Variants in SEL1L observed in about 807,000 individuals in gnomAD.
The protein encoded by SEL1L is SEL1L adaptor subunit of SYVN1 ubiquitin ligase.
A neutral mutation model predicts 109.8 loss-of-function variants in SEL1L; 52 were observed. That is an observed-to-expected ratio of 0.47 (90% CI 0.38 to 0.60). SEL1L has a LOEUF of 0.60. Among genes scored for constraint, SEL1L ranks in the 20% least tolerant of loss-of-function variants. SEL1L has a pLI of 0.00. For missense variants in SEL1L, 749 were observed against 962.2 expected (o/e 0.78, Z 2.93); for synonymous variants, 373 against 339.6 (o/e 1.10, Z -1.08).
Position 81,502,901 on chromosome 14 carries a change from TAAA to T in SEL1L, c.615-21_615-19del. 1 of 1,565,936 alleles carries T rather than the reference TAAA, an allele frequency of 6.4e-7. No homozygotes were observed. Among genetic ancestry groups the T allele is most frequent in the Non-Finnish European group, 8.7e-7 (1 of 1,154,380 alleles). On this transcript the variant is annotated intron_variant, in intron 5 of 20. Coordinates refer to ENST00000336735, the MANE Select transcript of SEL1L (RefSeq NM_005065.6). Reference sequence around the variant, plus strand: ...GATATGCTCTTCAAATGTAAACAATTAAAAACCAAATTAGTAATGTTTTGAAAC... The same window carrying T: ...GATATGCTCTTCAAATGTAAACAATTAACCAAATTAGTAATGTTTTGAAAC...
intron 6 of SEL1L, 79 bp downstream of exon 6, chr14:81,502,642 T>A (rs1884061280): frequency 7.3e-7 from 1 of 1,372,134 alleles, no homozygotes; most frequent in African/African-American, 1.5e-5. Context: ...TTAAAAGAAG[T>A]CAGGACATAG....
At chr14:81,532,043 T>G (rs944421118) in intron 1 of SEL1L, among the ~76,000 whole-genome samples, 1 of 152,222 alleles carries the variant, frequency 6.6e-6, no homozygotes, top group African/African-American at 2.4e-5. Flanking sequence ...ACCCAAGGAT[T>G]TAATATATCA....
At chr14:81,490,572 C>CA in intron 12 of SEL1L, 107 bp from the exon 13 acceptor site, 1 of 875,632 alleles carries the variant, frequency 1.1e-6, no homozygotes, top group Admixed American at 2.4e-5. Flanking sequence ...TAAATCTTTC[C>CA]AAAAAATTTA....
intron 12 of SEL1L, among the ~76,000 whole-genome samples, chr14:81,491,088 ACT>A (rs1883522054): frequency 6.6e-6 from 1 of 152,140 alleles, no homozygotes; most frequent in African/African-American, 2.4e-5. Context: ...CATTTTTCTC[ACT>A]CTATTCCAGG....
At chr14:81,502,565 A>T (rs945722878) in intron 6 of SEL1L, among the ~76,000 whole-genome samples, 156 bp downstream of exon 6, 1 of 152,244 alleles carries the variant, frequency 6.6e-6, no homozygotes, top group Non-Finnish European at 1.5e-5. Context: ...CTAAGGAAAA[A>T]GACTATCCAA....
At chr14:81,492,366 T>C (rs1383125441) in intron 12 of SEL1L, 114 bp downstream of exon 12, 1 of 800,450 alleles carries the variant, frequency 1.2e-6, no homozygotes, top group Non-Finnish European at 2.1e-6. Flanking sequence ...AGTCTTGCAC[T>C]AGAAATCTTA....
Position 81,476,869 on chromosome 14 carries a change from C to G in SEL1L, c.*103G>C. 1 of 1,169,278 alleles carries G rather than the reference C, an allele frequency of 8.6e-7. No homozygotes were observed. Among genetic ancestry groups the G allele is most frequent in the Non-Finnish European group, 1.2e-6 (1 of 828,922 alleles). 72.4% of individuals were successfully genotyped at this position (1,169,278 alleles called of 1,614,324 possible). A position where few individuals can be genotyped will look rare whatever the true frequency, so the allele number is the denominator to read the frequency against. The stretch of plus-strand genomic sequence containing the variant: ...TTCAATGCTTCCTTGTGCCGTGCCT[C>G]TTCTGGGAGGTGACCACTGATCCAA... On this transcript the variant is annotated 3_prime_UTR_variant, in exon 21 of 21. Coordinates refer to ENST00000336735, the MANE Select transcript of SEL1L (RefSeq NM_005065.6).
intron 5 of SEL1L, among the ~76,000 whole-genome samples, chr14:81,503,334 T>A (rs1259831516): frequency 2.6e-5 from 4 of 152,048 alleles, no homozygotes; most frequent in African/African-American, 4.8e-5. Context: ...GTAAAAAACA[T>A]CCCTTTTTTT....
At chr14:81,489,052 C>T in intron 14 of SEL1L, 200 bp downstream of exon 14, 1 of 591,848 alleles carries the variant, frequency 1.7e-6, no homozygotes, top group South Asian at 2.2e-5. Context: ...GTGCCAGACA[C>T]AGAGCTGTTC....
Position 81,526,862 on chromosome 14 carries a change from A to G in SEL1L, c.211T>C (p.Ser71Pro), listed in dbSNP as rs1401461406. The change falls in exon 3 of 21, where the codon TCT becomes CCT. Residue 71 changes from serine to proline, a missense_variant. Ser to Pro is a moderately conservative substitution (Grantham distance 74). Around this residue, in one of 2 missense-constraint regions of SEL1L, gnomAD observed 366 missense variants for 399.8 expected, o/e 0.92. Transcript: ENST00000336735. ...LDSEESELES[S>P]IQEEEDSLKS... ...AGGCTGTCTTCCTCTTCTTGAATAG[A>G]GGATTCTAATTCAGATTCTTCTGAA... 6.2e-7 allele frequency: 1 copy of G among 1,601,180 alleles called. No homozygotes were observed. The highest frequency in any genetic ancestry group is 1.4e-5 in the African/African-American group (1 of 74,030).
chr14:81,493,715 T>C (rs951261447), intron 11 of SEL1L, among the ~76,000 whole-genome samples: 1 of 152,170 alleles, frequency 6.6e-6, no homozygotes, highest in Non-Finnish European at 1.5e-5. Context: ...TTCCATACAC[T>C]ACATCAAAAA....
At position 81,487,542 on chromosome 14, in the gene SEL1L, T is replaced by C; in HGVS notation, c.1484-4A>G. 4.4e-6 allele frequency: 7 copies of C among 1,588,100 alleles called. No individual in the cohort carries two copies. The highest frequency in any genetic ancestry group is 6.0e-6 in the Non-Finnish European group (7 of 1,174,156). Reference sequence around the variant, plus strand: ...TCTCTCTTGACTCCAATGCCATCTGTAAGAAAAAAAAAAATCACACGAGAT... The same window carrying C: ...TCTCTCTTGACTCCAATGCCATCTGCAAGAAAAAAAAAAATCACACGAGAT... On this transcript the variant is annotated splice_region_variant and splice_polypyrimidine_tract_variant and intron_variant, in intron 15 of 20. Transcript: ENST00000336735.
intron 3 of SEL1L, among the ~76,000 whole-genome samples, chr14:81,511,656 T>C (rs2140035135): frequency 6.6e-6 from 1 of 152,376 alleles, no homozygotes; most frequent in East Asian, 1.9e-4. Context: ...TTCTGTTTAA[T>C]ATGATTGCTA....
chr14:81,475,256 T>C lies in SEL1L; in HGVS notation c.*1716A>G, dbSNP rs1903123603. The C allele has an allele frequency of 6.6e-6, 1 of 152,396 alleles. No homozygotes were observed. The highest frequency in any genetic ancestry group is 1.5e-5 in the Non-Finnish European group (1 of 68,018). 9.4% of individuals were successfully genotyped at this position (152,396 alleles called of 1,614,324 possible). On this transcript the variant is annotated 3_prime_UTR_variant, in exon 21 of 21. Coordinates refer to ENST00000336735, the MANE Select transcript of SEL1L (RefSeq NM_005065.6). ...CTTAGGGGGGGTAAGTTTCCTACCT[T>C]TCACAGATACGCTTTCATACATATG...
intron 12 of SEL1L, among the ~76,000 whole-genome samples, chr14:81,491,359 C>G (rs897577836): frequency 3.9e-5 from 6 of 152,254 alleles, no homozygotes; most frequent in African/African-American, 1.4e-4. Flanking sequence ...TCAAGACTGT[C>G]TTTATTCACA....
At chr14:81,505,532 A>G (rs1317611106) in intron 4 of SEL1L, among the ~76,000 whole-genome samples, 1 of 151,424 alleles carries the variant, frequency 6.6e-6, no homozygotes, top group Admixed American at 6.5e-5. Context: ...AAAAATTGGT[A>G]TTTAAGGGAT....
intron 8 of SEL1L, chr14:81,499,070 A>C: frequency 1.1e-6 from 1 of 892,044 alleles, no homozygotes; most frequent in South Asian, 5.2e-5. Context: ...ATTGTATAAT[A>C]TTTCATGTTG....
chr14:81,506,431 G>A (rs1021967979), intron 3 of SEL1L, among the ~76,000 whole-genome samples, 190 bp from the exon 4 acceptor site: 7 of 152,168 alleles, frequency 4.6e-5, no homozygotes, highest in African/African-American at 1.7e-4. Flanking sequence ...TAGTGAGCAT[G>A]GCTAGCTGAC....
chr14:81,472,371 A>G lies in SEL1L; in HGVS notation c.*4601T>C, dbSNP rs1431343280. 3 of 214,028 alleles carry G rather than the reference A, an allele frequency of 1.4e-5. 1 individual carries two copies. The South Asian group carries it at 1.7e-4, about 12-fold the overall frequency. 13.3% of individuals were successfully genotyped at this position (214,028 alleles called of 1,614,324 possible). On this transcript the variant is annotated 3_prime_UTR_variant, in exon 21 of 21. Coordinates refer to ENST00000336735, the MANE Select transcript of SEL1L (RefSeq NM_005065.6). ...ATGTAGGCTTTTTATCCAAGATCCA[A>G]TGCTTCTGAGCTGGAACATTTTACC... is the stretch of plus-strand genomic sequence containing the variant.
Sources: allele counts gnomAD v4.1 joint callset (sites outside exome capture counted in the v4.1 genomes callset), GRCh38; gene constraint gnomAD v4.1.1; regional missense constraint gnomAD v4.1.1; transcripts MANE v1.5; gene names NCBI Gene and HGNC (gene_info 2026-07-23, HGNC 2026-07-21).